CAMSAP1: variants seen among roughly 807,000 people sequenced by gnomAD.
CAMSAP1 encodes calmodulin-regulated spectrin-associated protein 1.
A neutral mutation model predicts 143.5 loss-of-function variants in CAMSAP1; 58 were observed. The observed-to-expected ratio is 0.40, with a 90% confidence interval of 0.33 to 0.50. The LOEUF is 0.50. CAMSAP1 is among the 20% of genes least tolerant of loss of function. The probability of loss-of-function intolerance (pLI) is 0.45; values close to 1 mark genes in which losing one functional copy is unlikely to be tolerated. For missense variants in CAMSAP1, 1,969 were observed against 2,115.7 expected (o/e 0.93, Z 1.36); for synonymous variants, 945 against 859.3 (o/e 1.10, Z -1.74).
chr9:135,818,714 C>A lies in CAMSAP1; in HGVS notation c.3960-98G>T. On this transcript the variant is annotated intron_variant, in intron 12 of 16. Coordinates refer to ENST00000389532, the MANE Select transcript of CAMSAP1 (RefSeq NM_015447.4). The surrounding 1 kb of genome is among the most constrained non-coding windows in gnomAD (Gnocchi z 7.7). The stretch of plus-strand genomic sequence containing the variant: ...GTCCAGGCGCGTTTCTCGGGTTCTC[C>A]CCGGCCGCTGGGACCAAGAGTGGCC... 7.2e-7 allele frequency: 1 copy of A among 1,394,262 alleles called. No individual in the cohort carries two copies. The allele number at this position is 1,394,262 out of a possible 1,614,324, so 86.4% of individuals were successfully genotyped here. A position where few individuals can be genotyped will look rare whatever the true frequency, so the allele number is the denominator to read the frequency against.
In CAMSAP1 at chr9:135,811,708, G is replaced by A. The variant is rs7045456; in HGVS notation, c.4507-97C>T. On this transcript the variant is annotated intron_variant, in intron 16 of 16. Coordinates refer to ENST00000389532, the MANE Select transcript of CAMSAP1 (RefSeq NM_015447.4). This position sits in a 1 kb window ranked among gnomAD's most constrained non-coding sequence, Gnocchi z 4.9. ...ACAGCGGCTCAACCAGCACCGCTCC[G>A]TGGGAAGCTCTCCCACCCGTCAGCT... 3.2e-3 allele frequency: 3,813 copies of A among 1,209,594 alleles called. 92 individuals are homozygous for A. The African/African-American group carries it at 0.049, about 15-fold the overall frequency. 74.9% of individuals were successfully genotyped at this position (1,209,594 alleles called of 1,614,324 possible). A position where few individuals can be genotyped will look rare whatever the true frequency, so the allele number is the denominator to read the frequency against.
intron 5 of CAMSAP1, among the ~76,000 whole-genome samples, chr9:135,852,673 T>C (rs146886950): frequency 7.2e-5 from 11 of 152,332 alleles, no homozygotes; most frequent in Non-Finnish European, 1.3e-4. Context: ...ATCTGGTCCA[T>C]GTGACTGCCC....
chr9:135,834,452 T>C (rs1391682037), intron 7 of CAMSAP1, among the ~76,000 whole-genome samples: 1 of 152,110 alleles, frequency 6.6e-6, no homozygotes, highest in South Asian at 2.1e-4. Flanking sequence ...AGACATACAA[T>C]GGAATATTAC....
intron 3 of CAMSAP1, 134 bp downstream of exon 3, chr9:135,881,499 C>T: frequency 9.6e-7 from 1 of 1,041,872 alleles, no homozygotes; most frequent in Non-Finnish European, 1.4e-6. Flanking sequence ...AGACACATTT[C>T]TGGACACAAA....
chr9:135,867,030 T>G (rs1161047656), intron 3 of CAMSAP1, among the ~76,000 whole-genome samples: 1 of 152,174 alleles, frequency 6.6e-6, no homozygotes, highest in Non-Finnish European at 1.5e-5. Context: ...TAATTCAACT[T>G]CTTAGAAATT....
At chr9:135,848,362 G>C (rs1836651651) in intron 7 of CAMSAP1, among the ~76,000 whole-genome samples, 1 of 152,050 alleles carries the variant, frequency 6.6e-6, no homozygotes. Flanking sequence ...CACAGAGAGA[G>C]AAACTGCATA....
At chr9:135,893,961 C>T (rs1276013156) in intron 1 of CAMSAP1, among the ~76,000 whole-genome samples, 1 of 152,206 alleles carries the variant, frequency 6.6e-6, no homozygotes, top group Non-Finnish European at 1.5e-5. Context: ...GGCCTCAGGA[C>T]TGGAGGACCA....
intron 7 of CAMSAP1, chr9:135,836,091 A>G: frequency 4.1e-6 from 4 of 985,184 alleles, no homozygotes; most frequent in Non-Finnish European, 4.8e-6. Context: ...GAAACTTCGG[A>G]AAGAGAGCTG....
At chr9:135,838,833 G>A (rs1250421407) in intron 7 of CAMSAP1, among the ~76,000 whole-genome samples, 1 of 148,046 alleles carries the variant, frequency 6.8e-6, no homozygotes, top group Non-Finnish European at 1.5e-5. Context: ...ACAGACACAC[G>A]TCATCAAGCA....
At chr9:135,846,732 A>T (rs974648121) in intron 7 of CAMSAP1, among the ~76,000 whole-genome samples, 1 of 151,820 alleles carries the variant, frequency 6.6e-6, no homozygotes, top group Non-Finnish European at 1.5e-5. Context: ...ATTTGAATGG[A>T]CGCACTTCTC....
In CAMSAP1 at chr9:135,810,896, G is replaced by A. The variant is rs981255370; in HGVS notation, c.*413C>T. 17 of 199,392 alleles carry A rather than the reference G, an allele frequency of 8.5e-5. No individual in the cohort carries two copies. The highest frequency in any genetic ancestry group is 1.7e-4 in the Non-Finnish European group (16 of 96,660). 12.4% of individuals were successfully genotyped at this position (199,392 alleles called of 1,614,324 possible). On this transcript the variant is annotated 3_prime_UTR_variant, in exon 17 of 17. Coordinates refer to ENST00000389532, the MANE Select transcript of CAMSAP1 (RefSeq NM_015447.4). ...CAGCTGGCCAATATGAGGGTGTCAG[G>A]CAATGTGCAAGGGGGCGAGGTGAGA...
At chr9:135,866,179 TACGTCCCTCACTCA>T (rs1837372930) in intron 4 of CAMSAP1, among the ~76,000 whole-genome samples, 1 of 152,218 alleles carries the variant, frequency 6.6e-6, no homozygotes, top group Non-Finnish European at 1.5e-5. Flanking sequence ...AGGTGGGCCC[TACGTCCCTCACTCA>T]AGCTTCCCAA....
Position 135,840,953 on chromosome 9 carries a change from GT to G in CAMSAP1, c.1045+9183del, listed in dbSNP as rs1332612994. ...GGCAGACACCGAGCTAGTTGCAGGA[GT>G]TTTTTTTCATACCCTAGTGGTGCCT... is the stretch of plus-strand genomic sequence containing the variant. On this transcript the variant is annotated intron_variant, in intron 7 of 16. Transcript: ENST00000389532. Among the ~76,000 whole-genome samples, 53 of 152,146 alleles carry G rather than the reference GT, an allele frequency of 3.5e-4. No individual in the cohort carries two copies. In the East Asian group the frequency reaches 0.01, roughly 29 times the overall value.
intron 3 of CAMSAP1, among the ~76,000 whole-genome samples, chr9:135,871,708 C>T (rs1284274896): frequency 4.0e-5 from 6 of 151,760 alleles, no homozygotes; most frequent in African/African-American, 1.5e-4. Context: ...GCAGGAAGCT[C>T]GCTTGAGGTC....
Position 135,821,819 on chromosome 9 carries a change from C to A in CAMSAP1, c.2842G>T (p.Gly948Trp), listed in dbSNP as rs1002187321. Residue 948 changes from glycine to tryptophan, a missense_variant, in exon 11 of 17, where the codon GGG becomes TGG. Transcript: ENST00000389532. This position sits in a 1 kb window ranked among gnomAD's most constrained non-coding sequence, Gnocchi z 4.6. ...TCTTCGGTTTTGGAAACAGCGTCCCCACAGTCCTCCCCGTTGTGCTGAGAG... is the reference window on the plus strand; with the variant it reads ...TCTTCGGTTTTGGAAACAGCGTCCCAACAGTCCTCCCCGTTGTGCTGAGAG... ...EYSQHNGEDC[G>W]DAVSKTEDFL... 3 of 1,614,064 alleles carry A rather than the reference C, an allele frequency of 1.9e-6. No individual in the cohort carries two copies. In the South Asian group the frequency reaches 3.3e-5, roughly 18 times the overall value.
Position 135,907,056 on chromosome 9 carries a change from G to A in CAMSAP1, c.104C>T (p.Ala35Val). The change falls in exon 1 of 17, where the codon GCG becomes GTG. Residue 35 changes from alanine (A) to valine (V), a missense_variant. Ala to Val is a moderately conservative substitution (Grantham distance 64). This residue lies in a region of CAMSAP1 where 215 missense variants were observed against 196.2 expected (regional missense o/e 1.10). Coordinates refer to ENST00000389532, the MANE Select transcript of CAMSAP1 (RefSeq NM_015447.4). Reference protein sequence around the residue: ...DLVPLDRYDAARAKIAANLQW... With the variant: ...DLVPLDRYDAVRAKIAANLQW... ...CAGGTTGGCGGCGATCTTGGCGCGC[G>A]CCGCGTCGTAGCGGTCCAGGGGCAC... 1 of 1,209,084 alleles carries A rather than the reference G, an allele frequency of 8.3e-7. No homozygotes were observed. The highest frequency in any genetic ancestry group is 2.2e-5 in the South Asian group (1 of 45,422). The allele number at this position is 1,209,084 out of a possible 1,614,324, so 74.9% of individuals were successfully genotyped here. A position where few individuals can be genotyped will look rare whatever the true frequency, so the allele number is the denominator to read the frequency against.
At chr9:135,858,586 A>G (rs374332606) in intron 5 of CAMSAP1, among the ~76,000 whole-genome samples, 9 of 152,242 alleles carry the variant, frequency 5.9e-5, no homozygotes, top group African/African-American at 2.2e-4. Context: ...GGTTCTCCAG[A>G]CAGACAGAAC....
chr9:135,870,832 G>A (rs1837545529), intron 3 of CAMSAP1, among the ~76,000 whole-genome samples: 1 of 152,016 alleles, frequency 6.6e-6, no homozygotes, highest in Non-Finnish European at 1.5e-5. Flanking sequence ...AAAATCCACT[G>A]ACTAGTACAT....
In CAMSAP1 at chr9:135,818,729, C is replaced by A; in HGVS notation, c.3960-113G>T. 1 of 1,282,944 alleles carries A rather than the reference C, an allele frequency of 7.8e-7. No homozygotes were observed. Among genetic ancestry groups the A allele is most frequent in the Non-Finnish European group, 1.1e-6 (1 of 945,420 alleles). 79.5% of individuals were successfully genotyped at this position (1,282,944 alleles called of 1,614,324 possible). A position where few individuals can be genotyped will look rare whatever the true frequency, so the allele number is the denominator to read the frequency against. Reference sequence around the variant, plus strand: ...TCGGGTTCTCCCCGGCCGCTGGGACCAAGAGTGGCCAGCCTCCACAAGCGG... The same window carrying A: ...TCGGGTTCTCCCCGGCCGCTGGGACAAAGAGTGGCCAGCCTCCACAAGCGG... On this transcript the variant is annotated intron_variant, in intron 12 of 16. Coordinates refer to ENST00000389532, the MANE Select transcript of CAMSAP1 (RefSeq NM_015447.4). The surrounding 1 kb of genome is among the most constrained non-coding windows in gnomAD (Gnocchi z 7.7).
Sources: allele counts gnomAD v4.1 joint callset (sites outside exome capture counted in the v4.1 genomes callset), GRCh38; gene constraint gnomAD v4.1.1; regional missense constraint gnomAD v4.1.1; non-coding constraint Gnocchi (gnomAD v3.1); transcripts MANE v1.5; gene names NCBI Gene and HGNC (gene_info 2026-07-23, HGNC 2026-07-21).